Variants in ZNF26 observed in about 807,000 individuals in gnomAD.
ZNF26 encodes the protein zinc finger protein 26.
ZNF26 carries 32 observed loss-of-function variants against 54.9 expected under a neutral mutation model. The ratio of observed to expected loss-of-function variants is 0.58; its 90% confidence interval spans 0.44 to 0.78. The LOEUF is 0.78. Among genes scored for constraint, ZNF26 ranks in the 30% least tolerant of loss-of-function variants. The pLI is 0.00. For synonymous variants in ZNF26, 221 were observed against 209.2 expected (o/e 1.06, Z -0.49); for missense variants, 524 against 634.0 (o/e 0.83, Z 1.86).
chr12:133,007,997 C>T (rs1167328273), intron 3 of ZNF26, among the ~76,000 whole-genome samples: 1 of 152,124 alleles, frequency 6.6e-6, no homozygotes, highest in Admixed American at 6.5e-5. Context: ...CTTTACACAC[C>T]TTATACTTCC....
chr12:133,000,388 A>G (rs1191912303), intron 1 of ZNF26, among the ~76,000 whole-genome samples: 2 of 147,042 alleles, frequency 1.4e-5, no homozygotes, highest in African/African-American at 5.1e-5. Context: ...AGTAGTGGGG[A>G]CTACAGGCAT....
intron 1 of ZNF26, among the ~76,000 whole-genome samples, chr12:133,003,292 G>A (rs1460781667): frequency 1.5e-5 from 2 of 137,380 alleles, no homozygotes; most frequent in Non-Finnish European, 3.1e-5. Context: ...GTCTCGCTCT[G>A]TTGCCCAGCT....
chr12:133,011,497 C>A lies in ZNF26; in HGVS notation c.*16C>A. ...TCATAAATGAGAAATCAGAATGATG[C>A]AATGTGAGAAACTGATGTTCAGGAG... On this transcript the variant is annotated 3_prime_UTR_variant, in exon 4 of 4. Coordinates refer to ENST00000328654, the MANE Select transcript of ZNF26 (RefSeq NM_019591.4). The A allele has an allele frequency of 6.6e-7, 1 of 1,522,806 alleles. No individual in the cohort carries two copies. Among genetic ancestry groups the A allele is most frequent in the Non-Finnish European group, 8.8e-7 (1 of 1,138,754 alleles). The allele number at this position is 1,522,806 out of a possible 1,614,324, so 94.3% of individuals were successfully genotyped here.
At position 133,023,133 on chromosome 12, in the gene ZNF26, A is replaced by T. The variant is rs1953663351; in HGVS notation, c.*11652A>T. The T allele has an allele frequency of 6.6e-6, 1 of 152,226 alleles. No homozygotes were observed. Among genetic ancestry groups the T allele is most frequent in the Admixed American group, 6.5e-5 (1 of 15,282 alleles). 9.4% of individuals were successfully genotyped at this position (152,226 alleles called of 1,614,324 possible). A position where few individuals can be genotyped will look rare whatever the true frequency, so the allele number is the denominator to read the frequency against. On this transcript the variant is annotated 3_prime_UTR_variant, in exon 4 of 4. Transcript: ENST00000328654. ...CTATACAACAGTTTAGATTTTAAAA[A>T]ATTATGGGAGAATACTAAGGATAAC...
chr12:133,008,632 G>C (rs887478060), intron 3 of ZNF26, among the ~76,000 whole-genome samples: 2 of 149,890 alleles, frequency 1.3e-5, no homozygotes, highest in Non-Finnish European at 1.5e-5. Flanking sequence ...AAAAATTAGC[G>C]GGGTGTGGTG....
chr12:133,007,643 CT>C, intron 3 of ZNF26, 111 bp downstream of exon 3: 1 of 698,726 alleles, frequency 1.4e-6, no homozygotes. Context: ...AGTCCTTGAG[CT>C]ATTGGAGCTG....
Position 133,007,506 on chromosome 12 carries a change from C to T in ZNF26, c.230C>T (p.Ala77Val). ...GGAGAAGATCCATGGATAATAAATGCCAAAATTTCCAGGCAGAGCTGTCCA... is the reference window on the plus strand; with the variant it reads ...GGAGAAGATCCATGGATAATAAATGTCAAAATTTCCAGGCAGAGCTGTCCA... The part of the protein sequence containing the change: ...EQGEDPWIIN[A>V]KISRQSCPDG... The change falls in exon 3 of 4, where the codon GCC becomes GTC. Residue 77 changes from alanine to valine, a missense_variant. By Grantham distance (64) the Ala-to-Val change is moderately conservative. Transcript: ENST00000328654. 3.1e-6 allele frequency: 5 copies of T among 1,613,556 alleles called. No individual in the cohort carries two copies. The highest frequency in any genetic ancestry group is 4.2e-6 in the Non-Finnish European group (5 of 1,179,694).
intron 1 of ZNF26, among the ~76,000 whole-genome samples, chr12:132,998,851 T>C (rs764541834): frequency 1.3e-3 from 202 of 152,340 alleles, no homozygotes; most frequent in African/African-American, 3.1e-3. Flanking sequence ...GCTGAACTTA[T>C]GCAAATAACT....
In ZNF26 at chr12:132,996,233, C is replaced by G. The variant is rs1036595629; in HGVS notation, c.33+9360C>G. On this transcript the variant is annotated intron_variant, in intron 1 of 3. Transcript: ENST00000328654. Reference sequence around the variant, plus strand: ...CAACAGATGTCCCATGGGGAAAACTCACTGTCCACTGGGGCACATCAAAAC... The same window carrying G: ...CAACAGATGTCCCATGGGGAAAACTGACTGTCCACTGGGGCACATCAAAAC... Among the ~76,000 whole-genome samples, 19 of 152,302 alleles carry G rather than the reference C, an allele frequency of 1.2e-4. No individual in the cohort carries two copies. The Middle Eastern group carries it at 0.017, about 136-fold the overall frequency.
intron 1 of ZNF26, among the ~76,000 whole-genome samples, chr12:132,992,943 C>T (rs1952994865): frequency 6.6e-6 from 1 of 151,446 alleles, no homozygotes; most frequent in South Asian, 2.1e-4. Context: ...GATTTTTTTC[C>T]TCAATCTCGT....
chr12:132,995,670 G>A (rs1953065384), intron 1 of ZNF26, among the ~76,000 whole-genome samples: 1 of 151,154 alleles, frequency 6.6e-6, no homozygotes, highest in Non-Finnish European at 1.5e-5. Flanking sequence ...GGTTTTTTTT[G>A]AGACAGAGTC....
At chr12:132,987,397 C>T (rs1952847018) in intron 1 of ZNF26, among the ~76,000 whole-genome samples, 1 of 152,158 alleles carries the variant, frequency 6.6e-6, no homozygotes, top group Non-Finnish European at 1.5e-5. Flanking sequence ...GGAGAAAAGG[C>T]TAGGAGCGGA....
chr12:132,986,713 G>C lies in ZNF26; in HGVS notation c.-128G>C. The C allele has an allele frequency of 1.0e-6, 1 of 1,004,958 alleles. No homozygotes were observed. Among genetic ancestry groups the C allele is most frequent in the South Asian group, 1.6e-5 (1 of 63,824 alleles). 62.3% of individuals were successfully genotyped at this position (1,004,958 alleles called of 1,614,324 possible). ...GAGCCGGCGTCCCTGCCAACGACTC[G>C]GCCCCGGGACGGTCAGGAGCCTGGG... On this transcript the variant is annotated 5_prime_UTR_variant, in exon 1 of 4. Transcript: ENST00000328654.
At chr12:132,992,063 G>T (rs1197159087) in intron 1 of ZNF26, among the ~76,000 whole-genome samples, 2 of 151,896 alleles carry the variant, frequency 1.3e-5, no homozygotes, top group Admixed American at 1.3e-4. Context: ...TATGAGAATC[G>T]CTTGAACCCA....
In ZNF26 at chr12:133,003,353, A is replaced by C. The variant is rs1381968973; in HGVS notation, c.34-3689A>C. Among the ~76,000 whole-genome samples the C allele has an allele frequency of 2.0e-5, 3 of 148,758 alleles. No homozygotes were observed. The East Asian group carries it at 6.0e-4, about 30-fold the overall frequency. ...CACTGCAAGCTCTGCCTCCTGGGTT[A>C]ACGCCATTCTCCTGCCTCAGCCTCC... On this transcript the variant is annotated intron_variant, in intron 1 of 3. Transcript: ENST00000328654.
intron 1 of ZNF26, among the ~76,000 whole-genome samples, chr12:132,996,652 C>T (rs1028610877): frequency 4.6e-5 from 7 of 152,190 alleles, no homozygotes; most frequent in Non-Finnish European, 7.3e-5. Flanking sequence ...TCATCATAAA[C>T]ATGGCATGTT....
In ZNF26 at chr12:133,001,091, C is replaced by T. The variant is rs1410463357; in HGVS notation, c.34-5951C>T. Among the ~76,000 whole-genome samples the T allele has an allele frequency of 2.0e-5, 3 of 152,054 alleles. No homozygotes were observed. Among genetic ancestry groups the T allele is most frequent in the Non-Finnish European group, 4.4e-5 (3 of 68,014 alleles). On this transcript the variant is annotated intron_variant, in intron 1 of 3. Transcript: ENST00000328654. The surrounding 1 kb of genome is among the most constrained non-coding windows in gnomAD (Gnocchi z 4.7). ...GTGACTTGTTTCATGTTTCTTCTCCCTCAGATTTAAAGTAACCAGCTTGAT... is the reference window on the plus strand; with the variant it reads ...GTGACTTGTTTCATGTTTCTTCTCCTTCAGATTTAAAGTAACCAGCTTGAT...
Sources: gnomAD v4.1 joint callset for allele counts (sites outside exome capture counted in the v4.1 genomes callset) on GRCh38, gnomAD v4.1.1 for gene constraint, Gnocchi (gnomAD v3.1) non-coding constraint, MANE v1.5 for transcripts, NCBI Gene and HGNC (gene_info 2026-07-23, HGNC 2026-07-21) for gene names.